The following RET variants were observed in gnomAD, a reference collection of about 807,000 sequenced individuals.
RET encodes ret proto-oncogene, also known as proto-oncogene tyrosine-protein kinase receptor Ret.
In RET, 19 loss-of-function variants were observed where a neutral mutation model predicts 118.3. The ratio of observed to expected loss-of-function variants is 0.16; its 90% CI spans 0.11 to 0.24. The LOEUF is 0.24. Ranked by LOEUF, RET falls within the 10% of genes least tolerant of loss-of-function variation. The pLI, the probability that RET is intolerant of heterozygous loss-of-function variation, is 1.00. For synonymous variants in RET, 597 were observed against 644.1 expected (o/e 0.93, Z 1.11); for missense variants, 1,219 against 1,502.1 (o/e 0.81, Z 3.12).
In RET at chr10:43,128,476, A is replaced by G. The variant is rs1340059795; in HGVS notation, c.*207A>G. The G allele has an allele frequency of 3.8e-5, 24 of 639,744 alleles. No homozygotes were observed. The highest frequency in any genetic ancestry group is 1.1e-4 in the East Asian group (4 of 36,090). The allele number at this position is 639,744 out of a possible 1,614,324, so 39.6% of individuals were successfully genotyped here. The stretch of plus-strand genomic sequence containing the variant: ...TTTTCCCTCCTAGCAGACATGCCAC[A>G]CCGGGTAAGAGCTCTGAGTCTTAGT... On this transcript the variant is annotated 3_prime_UTR_variant, in exon 20 of 20. Transcript: ENST00000355710.
rs2132817702 is a variant in RET at position 43,112,962 on chromosome 10, C to T, written c.1758C>T (p.Leu586=). 6.2e-7 allele frequency: 1 copy of T among 1,613,048 alleles called. No individual in the cohort carries two copies. The change falls in exon 9 of 20, where the codon CTC becomes CTT. Residue 586 remains leucine, a splice_region_variant and synonymous_variant. Coordinates refer to ENST00000355710, the MANE Select transcript of RET (RefSeq NM_020975.6). ...QDINICPQDC[L]RGSIVGGHEP... The stretch of plus-strand genomic sequence containing the variant: ...TCAACATTTGCCCTCAGGACTGCCT[C>T]CGTAAGCAGGGTTTAATCAGGGCAT...
At chr10:43,125,109 G>A in intron 18 of RET, 127 bp downstream of exon 18, 1 of 853,376 alleles carries the variant, frequency 1.2e-6, no homozygotes, top group Non-Finnish European at 1.9e-6. Flanking sequence ...TGCAGAGAGA[G>A]AGAGTCATGC....
In RET at chr10:43,112,214, A is replaced by G. The variant is rs1412128218; in HGVS notation, c.1638A>G (p.Gly546=). Residue 546 remains glycine (G), a synonymous_variant, in exon 8 of 20, where the codon GGA becomes GGG. Coordinates refer to ENST00000355710, the MANE Select transcript of RET (RefSeq NM_020975.6). ...CAGGCAGGTGTGAGTGGAGGCAAGG[A>G]GATGGCAAAGGTAAGCCCTGGAAAC... ...SPTGRCEWRQ[G]DGKGITRNFS... The G allele has an allele frequency of 1.9e-6, 3 of 1,554,850 alleles. No homozygotes were observed. The South Asian group carries it at 3.6e-5, about 18-fold the overall frequency.
chr10:43,111,301 G>C lies in RET; in HGVS notation c.1358G>C (p.Gly453Ala), dbSNP rs1837917640. ...TCTGGTGCCAACTGCAGCACGCTAG[G>C]GGTGGTCACCTCAGCCGAGGACACC... ...HSSGANCSTL[G>A]VVTSAEDTSG... is the part of the protein sequence containing the mutation. Residue 453 changes from glycine to alanine, a missense_variant, in exon 7 of 20, where the codon GGG becomes GCG. By Grantham distance (60) the Gly-to-Ala change is moderately conservative (BLOSUM62 0). Coordinates refer to ENST00000355710, the MANE Select transcript of RET (RefSeq NM_020975.6). The C allele has an allele frequency of 2.5e-6, 4 of 1,614,154 alleles. No individual in the cohort carries two copies. The highest frequency in any genetic ancestry group is 3.4e-6 in the Non-Finnish European group (4 of 1,180,038).
intron 3 of RET, among the ~76,000 whole-genome samples, chr10:43,103,161 C>A (rs1053649144): frequency 1.3e-5 from 2 of 152,090 alleles, no homozygotes; most frequent in Admixed American, 1.3e-4. Context: ...GTTCCTGGGG[C>A]AGGGGGCAGG....
Position 43,128,991 on chromosome 10 carries a change from G to T in RET, c.*722G>T. 1 of 237,056 alleles carries T rather than the reference G, an allele frequency of 4.2e-6. No homozygotes were observed. The allele number at this position is 237,056 out of a possible 1,614,324, so 14.7% of individuals were successfully genotyped here. ...CTATGTGGATGGTGGTATCAGGGAA[G>T]AGGGCTCACAAGACACATTTGTCCC... On this transcript the variant is annotated 3_prime_UTR_variant, in exon 20 of 20. Transcript: ENST00000355710.
chr10:43,111,511 C>A (rs1280064773), intron 7 of RET, 46 bp downstream of exon 7: 37 of 1,584,912 alleles, frequency 2.3e-5, no homozygotes, highest in Non-Finnish European at 3.2e-5. Context: ...CTGGGGGCTT[C>A]TGGAGCCTGG....
At chr10:43,105,597 A>G (rs978915154) in intron 4 of RET, among the ~76,000 whole-genome samples, 3 of 151,832 alleles carry the variant, frequency 2.0e-5, no homozygotes, top group African/African-American at 7.2e-5. Context: ...AAGGCGGATC[A>G]CCTCCGGCGC....
At chr10:43,096,090 A>G (rs1837518153) in intron 1 of RET, among the ~76,000 whole-genome samples, 1 of 152,152 alleles carries the variant, frequency 6.6e-6, no homozygotes, top group Admixed American at 6.5e-5. Context: ...CCTGTGTGCT[A>G]GGTTTGAGGG....
chr10:43,095,859 C>T (rs899749770), intron 1 of RET, among the ~76,000 whole-genome samples: 4 of 152,228 alleles, frequency 2.6e-5, no homozygotes, highest in African/African-American at 9.6e-5. Context: ...CAGGACCTTC[C>T]CCCACCCCAT....
intron 1 of RET, among the ~76,000 whole-genome samples, chr10:43,082,199 G>A (rs757802121): frequency 5.3e-5 from 8 of 152,192 alleles, no homozygotes; most frequent in African/African-American, 9.7e-5. Context: ...AGCTGTCCTT[G>A]TTCCCACAGC....
chr10:43,117,830 T>G (rs1287207087), intron 12 of RET, among the ~76,000 whole-genome samples: 2 of 152,214 alleles, frequency 1.3e-5, no homozygotes, highest in African/African-American at 4.8e-5. Flanking sequence ...GTGGGTCTTC[T>G]TGGTAACTAA....
chr10:43,121,734 C>T (rs1168894870), intron 15 of RET, among the ~76,000 whole-genome samples: 1 of 152,166 alleles, frequency 6.6e-6, no homozygotes, highest in Admixed American at 6.5e-5. Context: ...GGGTGGGCAG[C>T]TGACTCCCGC....
chr10:43,077,683 G>A (rs1182242931), intron 1 of RET, among the ~76,000 whole-genome samples: 1 of 152,186 alleles, frequency 6.6e-6, no homozygotes, highest in African/African-American at 2.4e-5. Context: ...GCCGTTTCGG[G>A]GCCGACCTGG....
At chr10:43,080,505 G>A (rs1837156370) in intron 1 of RET, among the ~76,000 whole-genome samples, 1 of 152,234 alleles carries the variant, frequency 6.6e-6, no homozygotes, top group Non-Finnish European at 1.5e-5. Context: ...GAGAGGATGC[G>A]GGAGCTCCCC....
chr10:43,094,653 C>A (rs561832623), intron 1 of RET, among the ~76,000 whole-genome samples: 5 of 152,294 alleles, frequency 3.3e-5, no homozygotes, highest in African/African-American at 1.2e-4. Context: ...AGCCAGGAGC[C>A]AGTGGAGAGC....
At chr10:43,088,207 G>T (rs1357520061) in intron 1 of RET, among the ~76,000 whole-genome samples, 2 of 150,936 alleles carry the variant, frequency 1.3e-5, no homozygotes, top group African/African-American at 2.5e-5. Flanking sequence ...GAAGACGGTG[G>T]TGGGAATGGT....
At position 43,119,757 on chromosome 10, in the gene RET, T is replaced by C. The variant is rs1249817844; in HGVS notation, c.2607+12T>C. ...TGGCCGAGATGAAGGTGCGTGCATA[T>C]GGCTCTGCACCCAGCCAGCCCCGGC... is the stretch of plus-strand genomic sequence containing the variant. On this transcript the variant is annotated intron_variant, in intron 14 of 19. Coordinates refer to ENST00000355710, the MANE Select transcript of RET (RefSeq NM_020975.6). 1.2e-6 allele frequency: 2 copies of C among 1,612,114 alleles called. No individual in the cohort carries two copies. The highest frequency in any genetic ancestry group is 1.7e-6 in the Non-Finnish European group (2 of 1,179,680).
chr10:43,118,602 T>C (rs1219001228), intron 13 of RET, 122 bp downstream of exon 13: 1 of 799,482 alleles, frequency 1.3e-6, no homozygotes, highest in East Asian at 2.7e-5. Context: ...GTTCTCCCTC[T>C]TTCTGGAAGC....
Sources: gnomAD v4.1 joint callset for allele counts (sites outside exome capture counted in the v4.1 genomes callset) on GRCh38, gnomAD v4.1.1 for gene constraint, MANE v1.5 for transcripts, NCBI Gene and HGNC (gene_info 2026-07-23, HGNC 2026-07-21) for gene names.